SLIT1: variants seen among roughly 807,000 people sequenced by gnomAD.
SLIT1 encodes the protein slit homolog 1 protein.
Under a neutral mutation model 186.1 loss-of-function variants are expected in SLIT1, and 66 were observed. The ratio of observed to expected loss-of-function variants is 0.35; its 90% confidence interval spans 0.29 to 0.44. The LOEUF is 0.44. Ranked by LOEUF, SLIT1 falls within the 20% of genes least tolerant of loss-of-function variation. SLIT1 has a pLI of 1.00. For missense variants in SLIT1, 1,638 were observed against 2,037.4 expected, an observed-to-expected ratio of 0.80 and a Z score of 3.77; for synonymous variants, 761 against 833.8, an observed-to-expected ratio of 0.91 and a Z score of 1.50.
chr10:97,160,633 AGAG>A (rs1033482251), intron 3 of SLIT1, among the ~76,000 whole-genome samples: 183 of 152,362 alleles, frequency 1.2e-3, no homozygotes, highest in African/African-American at 4.2e-3. Context: ...GCCAAAAAAA[AGAG>A]GAGGGGTCAG....
At chr10:97,012,153 TACA>T (rs1237528268) in intron 30 of SLIT1, among the ~76,000 whole-genome samples, 9 of 148,354 alleles carry the variant, frequency 6.1e-5, no homozygotes, top group Admixed American at 1.3e-4. Flanking sequence ...ACCAGATTCA[TACA>T]ACAATACTGA....
intron 1 of SLIT1, among the ~76,000 whole-genome samples, chr10:97,182,830 T>C (rs1222747292): frequency 6.6e-6 from 1 of 152,170 alleles, no homozygotes; most frequent in Non-Finnish European, 1.5e-5. Flanking sequence ...TTTTGGCTCA[T>C]ACTCACACCT....
intron 25 of SLIT1, among the ~76,000 whole-genome samples, chr10:97,027,238 T>A (rs568919915): frequency 2.6e-5 from 4 of 152,302 alleles, no homozygotes; most frequent in African/African-American, 9.6e-5. Context: ...ATGTAGTGGG[T>A]CTATGTCATC....
intron 4 of SLIT1, among the ~76,000 whole-genome samples, chr10:97,081,162 G>A (rs1404381906): frequency 6.6e-6 from 1 of 152,192 alleles, no homozygotes; most frequent in Non-Finnish European, 1.5e-5. Flanking sequence ...GGGAAAGGCA[G>A]GATTTAATGT....
In SLIT1 at chr10:97,163,421, C is replaced by G; in HGVS notation, c.300G>C (p.Val100=). 1.2e-6 allele frequency: 2 copies of G among 1,614,208 alleles called. No homozygotes were observed. Among genetic ancestry groups the G allele is most frequent in the Non-Finnish European group, 1.7e-6 (2 of 1,180,030 alleles). ...TCATGTCATCAAAAGCACCACGTTC[C>G]ACTGCTCCAATCTGGTTCTCCATCA... The part of the protein sequence containing the change: ...LQLMENQIGA[V]ERGAFDDMKE... The change falls in exon 3 of 37, where the codon GTG becomes GTC. Residue 100 remains valine (V), a synonymous_variant. Coordinates refer to ENST00000266058, the MANE Select transcript of SLIT1 (RefSeq NM_003061.3).
chr10:97,184,515 AC>A lies in SLIT1; in HGVS notation c.197+962del, dbSNP rs1397029284. Reference sequence around the variant, plus strand: ...CTTAATACTAGGAATTCACACAGAAACACATTCTGCAGGAGAGTCACAGAAA... The same window carrying A: ...CTTAATACTAGGAATTCACACAGAAAACATTCTGCAGGAGAGTCACAGAAA... On this transcript the variant is annotated intron_variant, in intron 1 of 36. Transcript: ENST00000266058. The surrounding 1 kb of genome is among the most constrained non-coding windows in gnomAD (Gnocchi z 4.4). Among the ~76,000 whole-genome samples the A allele has an allele frequency of 2.6e-5, 4 of 152,020 alleles. No individual in the cohort carries two copies.
At chr10:97,111,786 G>A (rs1026441711) in intron 4 of SLIT1, among the ~76,000 whole-genome samples, 1 of 152,144 alleles carries the variant, frequency 6.6e-6, no homozygotes. Flanking sequence ...TTCTGTCTGC[G>A]CTCACATCCG....
At chr10:97,118,802 C>T (rs188502142) in intron 4 of SLIT1, among the ~76,000 whole-genome samples, 3 of 152,280 alleles carry the variant, frequency 2.0e-5, no homozygotes, top group African/African-American at 7.2e-5. Flanking sequence ...ATAAAAGAAT[C>T]CTCTCTTATA....
chr10:97,127,137 C>CA (rs1191678901), intron 4 of SLIT1, among the ~76,000 whole-genome samples: 57 of 143,000 alleles, frequency 4.0e-4, no homozygotes, highest in Admixed American at 3.6e-3. Flanking sequence ...AAAAAAAAAA[C>CA]AAAAAAAATT....
chr10:97,057,292 G>A lies in SLIT1; in HGVS notation c.1086-11C>T, dbSNP rs372203491. 6 of 1,613,150 alleles carry A rather than the reference G, an allele frequency of 3.7e-6. No individual in the cohort carries two copies. In the African/African-American group the frequency reaches 8.0e-5, roughly 21 times the overall value. On this transcript the variant is annotated splice_polypyrimidine_tract_variant and intron_variant, in intron 11 of 36. Transcript: ENST00000266058. ...TTTCCATAGAGGACCCTGGAGAAAA[G>A]GCAGCAGAGAGGAGGGTTAGAGGAC... is the stretch of plus-strand genomic sequence containing the variant.
In SLIT1 at chr10:97,010,825, T is replaced by G. The variant is rs1848403867; in HGVS notation, c.3341+168A>C. 6.6e-6 allele frequency among the ~76,000 whole-genome samples: 1 copy of G among 152,136 alleles called. No homozygotes were observed. Among genetic ancestry groups the G allele is most frequent in the Non-Finnish European group, 1.5e-5 (1 of 68,000 alleles). ...TAGGCCCTGGGCAGTTACATGACTT[T>G]CCCAAGGCTGCACAGCTGGTGACTG... On this transcript the variant is annotated intron_variant, in intron 31 of 36. Coordinates refer to ENST00000266058, the MANE Select transcript of SLIT1 (RefSeq NM_003061.3). The surrounding 1 kb of genome is among the most constrained non-coding windows in gnomAD (Gnocchi z 4.8).
At position 97,001,266 on chromosome 10, in the gene SLIT1, G is replaced by A. The variant is rs1384673630; in HGVS notation, c.4451C>T (p.Ser1484Leu). The A allele has an allele frequency of 1.9e-6, 3 of 1,613,124 alleles. No homozygotes were observed. In the African/African-American group the frequency reaches 4.0e-5, roughly 22 times the overall value. Residue 1484 changes from serine to leucine, a missense_variant, in exon 37 of 37, where the codon TCA (serine) becomes TTA (leucine). Around this residue, in one of 3 missense-constraint regions of SLIT1, gnomAD observed 220 missense variants for 211.3 expected, o/e 1.04. Transcript: ENST00000266058. Reference sequence around the variant, plus strand: ...GCACGAGCCCCGGCACTCCACCCATGACAGGGGGCGCGTGGTCTGGCAGAT... The same window carrying A: ...GCACGAGCCCCGGCACTCCACCCATAACAGGGGGCGCGTGGTCTGGCAGAT... ...YAICQTTRPL[S>L]WVECRGSCPG...
intron 25 of SLIT1, among the ~76,000 whole-genome samples, chr10:97,028,149 C>G (rs1205181096): frequency 2.0e-5 from 3 of 152,062 alleles, no homozygotes; most frequent in Non-Finnish European, 2.9e-5. Flanking sequence ...GAGCATGCAA[C>G]CAAAAATTAC....
chr10:97,090,661 T>C (rs1849221153), intron 4 of SLIT1, among the ~76,000 whole-genome samples: 1 of 152,134 alleles, frequency 6.6e-6, no homozygotes, highest in Non-Finnish European at 1.5e-5. Context: ...ATTTTTAAGA[T>C]GAGGACACTG....
At chr10:97,005,006 C>G (rs1307890066) in intron 32 of SLIT1, among the ~76,000 whole-genome samples, 183 bp from the exon 33 acceptor site, 3 of 152,206 alleles carry the variant, frequency 2.0e-5, no homozygotes, top group African/African-American at 7.2e-5. Flanking sequence ...GCTGCAGCCT[C>G]TGGTTCAAGC....
At position 97,040,135 on chromosome 10, in the gene SLIT1, A is replaced by G. The variant is rs767383533; in HGVS notation, c.2165-15T>C. ...CTCCTCCTGGCCTAGGGAAGAAGGC[A>G]CGAAGCCCCTGTCAGGGAGGTGGAC... On this transcript the variant is annotated splice_polypyrimidine_tract_variant and intron_variant, in intron 20 of 36. Coordinates refer to ENST00000266058, the MANE Select transcript of SLIT1 (RefSeq NM_003061.3). 1.8e-5 allele frequency: 28 copies of G among 1,542,904 alleles called. No individual in the cohort carries two copies. The highest frequency in any genetic ancestry group is 2.4e-5 in the Non-Finnish European group (27 of 1,146,554).
chr10:97,066,444 C>T (rs991047021), intron 4 of SLIT1, among the ~76,000 whole-genome samples: 2 of 152,162 alleles, frequency 1.3e-5, no homozygotes, highest in African/African-American at 2.4e-5. Flanking sequence ...GCCCAAATCT[C>T]GTGTTGAATG....
At chr10:97,136,488 T>C (rs949900378) in intron 4 of SLIT1, among the ~76,000 whole-genome samples, 1 of 152,158 alleles carries the variant, frequency 6.6e-6, no homozygotes, top group Non-Finnish European at 1.5e-5. Context: ...TCTTTTTGTA[T>C]CCTTACTTTT....
chr10:97,003,096 G>T lies in SLIT1; in HGVS notation c.3866-104C>A, dbSNP rs11188983. On this transcript the variant is annotated intron_variant, in intron 34 of 36. Transcript: ENST00000266058. ...CTCCATGGCCTTCCCTCTTGCCTGC[G>T]GCCTCTGTCCTTCATCTCTGCAACC... 3 of 1,140,866 alleles carry T rather than the reference G, an allele frequency of 2.6e-6. No homozygotes were observed. The African/African-American group carries it at 4.6e-5, about 18-fold the overall frequency. 70.7% of individuals were successfully genotyped at this position (1,140,866 alleles called of 1,614,324 possible).
Sources: gnomAD v4.1 joint callset for allele counts (sites outside exome capture counted in the v4.1 genomes callset) on GRCh38, gnomAD v4.1.1 for gene constraint, gnomAD v4.1.1 regional missense constraint, Gnocchi (gnomAD v3.1) non-coding constraint, MANE v1.5 for transcripts, NCBI Gene and HGNC (gene_info 2026-07-23, HGNC 2026-07-21) for gene names.